The following MKRN1 variants were observed in gnomAD, a reference collection of about 807,000 sequenced individuals.
The protein encoded by MKRN1 is E3 ubiquitin-protein ligase makorin-1.
A neutral mutation model predicts 55.5 loss-of-function variants in MKRN1; 9 were observed. That is an observed-to-expected ratio of 0.16 (90% confidence interval 0.10 to 0.28). MKRN1 has a LOEUF of 0.28. Among genes scored for constraint, MKRN1 ranks in the 10% least tolerant of loss-of-function variants. MKRN1 has a pLI of 1.00. For synonymous variants in MKRN1, 253 were observed against 235.9 expected (o/e 1.07, Z -0.66); for missense variants, 488 against 626.7 (o/e 0.78, Z 2.36).
intron 2 of MKRN1, among the ~76,000 whole-genome samples, chr7:140,468,293 T>A (rs1477773997): frequency 1.3e-5 from 2 of 152,058 alleles, no homozygotes; most frequent in African/African-American, 4.8e-5. Context: ...ACAGCTCCCT[T>A]ACAATTAGCC....
chr7:140,464,547 G>A (rs901286578), intron 2 of MKRN1, among the ~76,000 whole-genome samples: 1 of 152,096 alleles, frequency 6.6e-6, no homozygotes, highest in African/African-American at 2.4e-5. Flanking sequence ...TACTAAAAAC[G>A]CAAAAGAATT....
chr7:140,460,995 A>C (rs1168974541), intron 2 of MKRN1, among the ~76,000 whole-genome samples: 2 of 152,220 alleles, frequency 1.3e-5, no homozygotes, highest in African/African-American at 4.8e-5. Flanking sequence ...TTATTACTTC[A>C]AATTCCACTC....
chr7:140,475,236 G>C, intron 1 of MKRN1: 2 of 439,586 alleles, frequency 4.5e-6, no homozygotes, highest in Non-Finnish European at 9.1e-6. Flanking sequence ...CCAGCTTCTC[G>C]GAAGGCTGAG....
chr7:140,476,539 AGTTTTGTTTTTTTTTTTTTT>A, intron 1 of MKRN1, among the ~76,000 whole-genome samples: 4 of 138,436 alleles, frequency 2.9e-5, no homozygotes, highest in African/African-American at 9.6e-5. Context: ...GTAATTTACA[AGTTTTGTTTTTTTTTTTTTT>A]AATGAAAGCA....
At chr7:140,456,093 A>C (rs962949348) in intron 5 of MKRN1, 193 bp from the exon 6 acceptor site, 1 of 1,063,812 alleles carries the variant, frequency 9.4e-7, no homozygotes, top group Non-Finnish European at 1.2e-6. Flanking sequence ...TTATAAATCC[A>C]ACTCAAGGGC....
intron 1 of MKRN1, chr7:140,473,122 A>G (rs1794984283): frequency 5.6e-6 from 2 of 356,936 alleles, no homozygotes. Context: ...AAGAAAAAGA[A>G]AAAAAGATAT....
chr7:140,469,378 G>C (rs1359531794), intron 2 of MKRN1, among the ~76,000 whole-genome samples: 1 of 151,900 alleles, frequency 6.6e-6, no homozygotes, highest in Non-Finnish European at 1.5e-5. Context: ...GAGGGTAGTG[G>C]TTTAAAGTAC....
intron 2 of MKRN1, among the ~76,000 whole-genome samples, chr7:140,468,721 A>AAAAAAAAAAAAAAC (rs1794839148): frequency 1.4e-5 from 2 of 142,676 alleles, no homozygotes; most frequent in African/African-American, 5.3e-5. Context: ...AAAAAAAAAA[A>AAAAAAAAAAAAAAC]AAAAGACATG....
Position 140,459,022 on chromosome 7 carries a change from T to C in MKRN1, c.756A>G (p.Arg252=). The C allele has an allele frequency of 6.2e-7, 1 of 1,613,932 alleles. No individual in the cohort carries two copies. ...QVLHPMDAAQ[R]SQHIKSCIEA... ...AAAGACTTACTTTGATATGCTGCGA[T>C]CTCTGGGCAGCATCCATTGGATGCA... The change falls in exon 4 of 8, where the codon AGA becomes AGG. Residue 252 remains arginine (R), a synonymous_variant. Coordinates refer to ENST00000255977, the MANE Select transcript of MKRN1 (RefSeq NM_013446.4).
At position 140,453,907 on chromosome 7, in the gene MKRN1, T is replaced by TAA. The variant is rs60704749; in HGVS notation, c.*608_*609dup. 46 of 156,664 alleles carry TAA rather than the reference T, an allele frequency of 2.9e-4. No individual in the cohort carries two copies. The highest frequency in any genetic ancestry group is 1.6e-3 in the Admixed American group (26 of 16,452). The allele number at this position is 156,664 out of a possible 1,614,324, so 9.7% of individuals were successfully genotyped here. ...TCAATTTTCCTATCATGCAAAACAG[T>TAA]AAAAAATCTCAACACATTCACACCT... On this transcript the variant is annotated 3_prime_UTR_variant, in exon 8 of 8. Transcript: ENST00000255977.
chr7:140,460,051 C>T lies in MKRN1; in HGVS notation c.315-115G>A, dbSNP rs1035201350. ...CACCAGAGAGGTTGGGAGTTCGAGA[C>T]CAGCCTGGCCAATGTGGTGAAAACC... On this transcript the variant is annotated intron_variant, in intron 2 of 7. Transcript: ENST00000255977. 4.6e-5 allele frequency: 40 copies of T among 870,214 alleles called. No homozygotes were observed. The South Asian group carries it at 5.9e-4, about 13-fold the overall frequency. The allele number at this position is 870,214 out of a possible 1,614,324, so 53.9% of individuals were successfully genotyped here.
chr7:140,458,567 G>T (rs1039872538), intron 4 of MKRN1, among the ~76,000 whole-genome samples: 8 of 152,136 alleles, frequency 5.3e-5, no homozygotes, highest in African/African-American at 1.9e-4. Flanking sequence ...TAGTAAAATG[G>T]TAATGGTTGC....
At position 140,456,732 on chromosome 7, in the gene MKRN1, G is replaced by A. The variant is rs1585463208; in HGVS notation, c.906C>T (p.Leu302=). 6.2e-7 allele frequency: 1 copy of A among 1,614,118 alleles called. No individual in the cohort carries two copies. Among genetic ancestry groups the A allele is most frequent in the Non-Finnish European group, 8.5e-7 (1 of 1,180,000 alleles). The part of the protein sequence containing the change: ...ANPSERRFGI[L]SNCNHTYCLK... Reference sequence around the variant, plus strand: ...GACAGTAGGTGTGGTTGCAGTTGGAGAGGATCCCGAAGCGGCGCTCACTGG... The same window carrying A: ...GACAGTAGGTGTGGTTGCAGTTGGAAAGGATCCCGAAGCGGCGCTCACTGG... The change falls in exon 5 of 8, where the codon CTC becomes CTT. Residue 302 remains leucine, a synonymous_variant. Coordinates refer to ENST00000255977, the MANE Select transcript of MKRN1 (RefSeq NM_013446.4).
At chr7:140,477,479 C>G (rs937157083) in intron 1 of MKRN1, among the ~76,000 whole-genome samples, 1 of 152,188 alleles carries the variant, frequency 6.6e-6, no homozygotes, top group Non-Finnish European at 1.5e-5. Flanking sequence ...TGTCACCACG[C>G]CCGGCTAATG....
chr7:140,464,269 T>C (rs1027990777), intron 2 of MKRN1, among the ~76,000 whole-genome samples: 1 of 151,974 alleles, frequency 6.6e-6, no homozygotes, highest in African/African-American at 2.4e-5. Context: ...CCAAGCTTCA[T>C]GGCTCCAGCC....
Position 140,459,226 on chromosome 7 carries a change from A to G in MKRN1, c.552T>C (p.Pro184=). ...CCTGCAGGGGTGCTTCAGTGCAGGAAGGCGCAGCTGAAAATGTGTAAGAGG... is the reference window on the plus strand; with the variant it reads ...CCTGCAGGGGTGCTTCAGTGCAGGAGGGCGCAGCTGAAAATGTGTAAGAGG... ...PGQPYCGRTA[P]SCTEAPLQGS... is the part of the protein sequence containing the mutation. The change falls in exon 4 of 8, where the codon CCT becomes CCC. Residue 184 remains proline (P), a synonymous_variant. Coordinates refer to ENST00000255977, the MANE Select transcript of MKRN1 (RefSeq NM_013446.4). The G allele has an allele frequency of 6.2e-7, 1 of 1,613,930 alleles. No homozygotes were observed. The highest frequency in any genetic ancestry group is 1.1e-5 in the South Asian group (1 of 91,076).
At chr7:140,471,814 T>TATC in intron 2 of MKRN1, 69 bp downstream of exon 2, 2 of 1,565,912 alleles carry the variant, frequency 1.3e-6, no homozygotes, top group Non-Finnish European at 1.7e-6. Flanking sequence ...CATATAAAGC[T>TATC]ATCAGAAGTA....
intron 2 of MKRN1, among the ~76,000 whole-genome samples, chr7:140,467,557 G>T (rs1172871680): frequency 6.6e-6 from 1 of 152,062 alleles, no homozygotes; most frequent in Non-Finnish European, 1.5e-5. Flanking sequence ...GGGATGACAG[G>T]TATGAGCCAC....
chr7:140,464,107 C>T (rs1379652513), intron 2 of MKRN1, among the ~76,000 whole-genome samples: 1 of 151,740 alleles, frequency 6.6e-6, no homozygotes, highest in African/African-American at 2.4e-5. Context: ...TTAGTAGAGA[C>T]GGGGTTTCAC....
Sources: allele counts gnomAD v4.1 joint callset (sites outside exome capture counted in the v4.1 genomes callset), GRCh38; gene constraint gnomAD v4.1.1; transcripts MANE v1.5; gene names NCBI Gene and HGNC (gene_info 2026-07-23, HGNC 2026-07-21).